Variants in ARFIP1 observed in about 807,000 individuals in gnomAD.
ARFIP1 encodes arfaptin-1.
Under a neutral mutation model 42.5 loss-of-function variants are expected in ARFIP1, and 24 were observed. The observed-to-expected ratio is 0.57, with a 90% CI of 0.41 to 0.80. The LOEUF (loss-of-function observed/expected upper bound fraction) is 0.80, where lower values mean the gene tolerates loss of function less well. ARFIP1 is among the 30% of genes least tolerant of loss of function. ARFIP1 has a pLI of 0.00. For synonymous variants in ARFIP1, 141 were observed against 153.7 expected (o/e 0.92, Z 0.61); for missense variants, 354 against 434.0 (o/e 0.82, Z 1.64).
At chr4:152,896,866 A>G (rs1373328751) in intron 8 of ARFIP1, among the ~76,000 whole-genome samples, 1 of 152,184 alleles carries the variant, frequency 6.6e-6, no homozygotes, top group Non-Finnish European at 1.5e-5. Flanking sequence ...TTTTCCTCTT[A>G]GCTCAAAATT....
At chr4:152,900,983 AG>A (rs2149909243) in intron 8 of ARFIP1, among the ~76,000 whole-genome samples, 1 of 152,356 alleles carries the variant, frequency 6.6e-6, no homozygotes, top group African/African-American at 2.4e-5. Flanking sequence ...TTGGTGCAAA[AG>A]TAATTGCGGT....
chr4:152,805,502 A>G (rs1246490616), intron 1 of ARFIP1, among the ~76,000 whole-genome samples: 4 of 152,170 alleles, frequency 2.6e-5, no homozygotes, highest in Non-Finnish European at 5.9e-5. Flanking sequence ...TGCTGCCACT[A>G]TGGTCACTTC....
intron 6 of ARFIP1, 73 bp downstream of exon 6, chr4:152,881,257 A>G (rs1285548632): frequency 8.4e-7 from 1 of 1,189,792 alleles, no homozygotes; most frequent in East Asian, 2.4e-5. Context: ...GTAATTTGTT[A>G]TTGTGATTTG....
intron 8 of ARFIP1, among the ~76,000 whole-genome samples, chr4:152,906,812 T>C (rs1364809187): frequency 6.6e-6 from 1 of 152,228 alleles, no homozygotes; most frequent in Non-Finnish European, 1.5e-5. Context: ...GCTGCAGTCA[T>C]AGAGGCCTTG....
intron 2 of ARFIP1, among the ~76,000 whole-genome samples, chr4:152,849,826 G>A (rs1417542911): frequency 2.6e-5 from 4 of 152,168 alleles, no homozygotes; most frequent in African/African-American, 9.7e-5. Flanking sequence ...TGTTGCTTCC[G>A]AAGTGATGAC....
intron 8 of ARFIP1, among the ~76,000 whole-genome samples, chr4:152,891,459 C>T (rs944612982): frequency 6.6e-6 from 1 of 152,138 alleles, no homozygotes; most frequent in East Asian, 1.9e-4. Context: ...GAGAACTTTT[C>T]TTTGTTTTTT....
chr4:152,907,588 C>A (rs1409642463), intron 8 of ARFIP1, among the ~76,000 whole-genome samples: 2 of 152,076 alleles, frequency 1.3e-5, no homozygotes, highest in Non-Finnish European at 2.9e-5. Context: ...ATGAATATAT[C>A]ATTCACATAT....
intron 2 of ARFIP1, among the ~76,000 whole-genome samples, chr4:152,859,940 A>C (rs1458728856): frequency 2.6e-5 from 4 of 151,928 alleles, no homozygotes; most frequent in African/African-American, 9.7e-5. Context: ...AAGTATAATA[A>C]GGGTGGAAAT....
Position 152,832,072 on chromosome 4 carries a change from G to C in ARFIP1, c.93+2346G>C, listed in dbSNP as rs968661100. Reference sequence around the variant, plus strand: ...GTTTATGATTATTATGAATAAAGCTGCTGTGACCATTCTTGTGCAGATTTT... The same window carrying C: ...GTTTATGATTATTATGAATAAAGCTCCTGTGACCATTCTTGTGCAGATTTT... On this transcript the variant is annotated intron_variant, in intron 2 of 8. Transcript: ENST00000353617. Among the ~76,000 whole-genome samples, 20 of 152,068 alleles carry C rather than the reference G, an allele frequency of 1.3e-4. 1 individual carries two copies. Among genetic ancestry groups the C allele is most frequent in the Non-Finnish European group, 1.5e-5 (1 of 68,020 alleles).
intron 2 of ARFIP1, among the ~76,000 whole-genome samples, chr4:152,853,181 T>C (rs1386153882): frequency 6.6e-6 from 1 of 152,250 alleles, no homozygotes; most frequent in Non-Finnish European, 1.5e-5. Context: ...TGCCTGATTG[T>C]TTCTCATTAT....
At chr4:152,873,996 T>C (rs894398136) in intron 5 of ARFIP1, among the ~76,000 whole-genome samples, 1 of 152,184 alleles carries the variant, frequency 6.6e-6, no homozygotes, top group Admixed American at 6.5e-5. Flanking sequence ...TATATCTGCC[T>C]CCTCCTTGGA....
At chr4:152,873,984 A>G (rs535322292) in intron 5 of ARFIP1, among the ~76,000 whole-genome samples, 48 of 152,288 alleles carry the variant, frequency 3.2e-4, no homozygotes, top group African/African-American at 1.1e-3. Flanking sequence ...TGTTCATAAG[A>G]CTATATCTGC....
intron 3 of ARFIP1, among the ~76,000 whole-genome samples, chr4:152,867,089 G>T (rs1229902951): frequency 6.6e-6 from 1 of 152,080 alleles, no homozygotes; most frequent in African/African-American, 2.4e-5. Flanking sequence ...CTTCCCAGAC[G>T]GGGTGGCGGC....
At chr4:152,837,053 C>T (rs917250730) in intron 2 of ARFIP1, among the ~76,000 whole-genome samples, 5 of 152,100 alleles carry the variant, frequency 3.3e-5, no homozygotes, top group Admixed American at 6.5e-5. Context: ...TCCTGAGTTA[C>T]GTCATTTAGA....
chr4:152,894,301 TA>T (rs1359898459), intron 8 of ARFIP1, among the ~76,000 whole-genome samples: 8 of 152,140 alleles, frequency 5.3e-5, no homozygotes, highest in Admixed American at 5.2e-4. Flanking sequence ...AGGGCAGAAG[TA>T]TTCTTTGCTT....
chr4:152,891,465 T>G (rs958302610), intron 8 of ARFIP1, among the ~76,000 whole-genome samples: 4 of 152,212 alleles, frequency 2.6e-5, no homozygotes, highest in African/African-American at 9.6e-5. Context: ...TTTTCTTTGT[T>G]TTTTTGTTGT....
intron 7 of ARFIP1, among the ~76,000 whole-genome samples, chr4:152,887,054 C>G (rs1395802818): frequency 6.6e-6 from 1 of 151,894 alleles, no homozygotes; most frequent in Non-Finnish European, 1.5e-5. Context: ...CCTAATATCT[C>G]CAAATAAAGA....
chr4:152,888,171 T>G lies in ARFIP1; in HGVS notation c.830T>G (p.Leu277Arg), dbSNP rs1196666273. The G allele has an allele frequency of 6.2e-7, 1 of 1,611,490 alleles. No individual in the cohort carries two copies. The highest frequency in any genetic ancestry group is 1.7e-5 in the Admixed American group (1 of 59,408). ...GCATATCGCACTGATTTGGAAGAAC[T>G]GAATCTTGGACCACGTGACGCAAAC... is the stretch of plus-strand genomic sequence containing the variant. ...YDAYRTDLEE[L>R]NLGPRDANTL... Residue 277 changes from leucine (L) to arginine (R), a missense_variant, in exon 8 of 9, where the codon CTG (leucine) becomes CGG (arginine). Physicochemically the swap from Leu to Arg is moderately radical, Grantham distance 102 (BLOSUM62 -2). Coordinates refer to ENST00000353617, the MANE Select transcript of ARFIP1 (RefSeq NM_001025595.3).
chr4:152,878,692 T>A (rs1735571971), intron 5 of ARFIP1, among the ~76,000 whole-genome samples: 1 of 152,192 alleles, frequency 6.6e-6, no homozygotes, highest in Non-Finnish European at 1.5e-5. Context: ...AAAAAACATT[T>A]CCTCATTAAT....
Sources: allele counts gnomAD v4.1 joint callset (sites outside exome capture counted in the v4.1 genomes callset), GRCh38; gene constraint gnomAD v4.1.1; transcripts MANE v1.5; gene names NCBI Gene and HGNC (gene_info 2026-07-23, HGNC 2026-07-21).